The following ICA1 variants were observed in gnomAD, a reference collection of about 807,000 sequenced individuals.
The protein encoded by ICA1 is 69 kDa islet cell autoantigen.
A neutral mutation model predicts 71.0 loss-of-function variants in ICA1; 40 were observed. The observed-to-expected ratio is 0.56, with a 90% CI of 0.44 to 0.73. ICA1 has a LOEUF of 0.73. Ranked by LOEUF, ICA1 falls within the 30% of genes least tolerant of loss-of-function variation. ICA1 has a pLI of 0.00. For synonymous variants in ICA1, 207 were observed against 209.5 expected, an observed-to-expected ratio of 0.99 and a Z score of 0.10; for missense variants, 578 against 576.5, an observed-to-expected ratio of 1.00 and a Z score of -0.03.
chr7:8,121,007 C>A (rs1043297280), intron 13 of ICA1, among the ~76,000 whole-genome samples: 1 of 152,232 alleles, frequency 6.6e-6, no homozygotes, highest in East Asian at 1.9e-4. Flanking sequence ...AGTTCCCCCT[C>A]AGGCCTAGTT....
chr7:8,170,809 T>A (rs1319044783), intron 6 of ICA1, among the ~76,000 whole-genome samples: 1 of 152,122 alleles, frequency 6.6e-6, no homozygotes, highest in South Asian at 2.1e-4. Context: ...TTAATTTATA[T>A]GTCTTTTATT....
chr7:8,260,786 G>A (rs796685428), intron 1 of ICA1, among the ~76,000 whole-genome samples: 4 of 152,184 alleles, frequency 2.6e-5, no homozygotes, highest in Admixed American at 6.5e-5. Flanking sequence ...AGCATTTTTA[G>A]AGAGTGTGTG....
At chr7:8,133,068 G>C (rs2128093892) in intron 12 of ICA1, among the ~76,000 whole-genome samples, 1 of 152,310 alleles carries the variant, frequency 6.6e-6, no homozygotes, top group South Asian at 2.1e-4. Context: ...TCACAAATGG[G>C]TTAACCCATT....
chr7:8,186,002 T>G (rs936315350), intron 6 of ICA1, among the ~76,000 whole-genome samples: 1 of 152,178 alleles, frequency 6.6e-6, no homozygotes, highest in African/African-American at 2.4e-5. Context: ...AGCATATAAA[T>G]AATCATGATA....
At chr7:8,175,511 T>C (rs888069082) in intron 6 of ICA1, among the ~76,000 whole-genome samples, 2 of 148,042 alleles carry the variant, frequency 1.4e-5, no homozygotes, top group Non-Finnish European at 3.0e-5. Context: ...GAAAACTGTT[T>C]AAGATAAGGG....
At chr7:8,166,342 C>T (rs912843588) in intron 6 of ICA1, among the ~76,000 whole-genome samples, 3 of 152,212 alleles carry the variant, frequency 2.0e-5, no homozygotes, top group African/African-American at 7.2e-5. Flanking sequence ...TAATGCCACA[C>T]ACCTACAACC....
intron 1 of ICA1, among the ~76,000 whole-genome samples, chr7:8,260,452 C>G (rs56403717): frequency 5.7e-4 from 87 of 152,272 alleles, no homozygotes; most frequent in African/African-American, 2.0e-3. Flanking sequence ...CAATGATCCA[C>G]GGGTGGAGGA....
intron 6 of ICA1, among the ~76,000 whole-genome samples, chr7:8,214,037 C>T (rs567118407): frequency 6.6e-6 from 1 of 152,232 alleles, no homozygotes; most frequent in African/African-American, 2.4e-5. Context: ...AATAAATGGC[C>T]CTCATTAAAA....
chr7:8,229,191 T>C (rs1799512720), intron 3 of ICA1, among the ~76,000 whole-genome samples: 1 of 152,198 alleles, frequency 6.6e-6, no homozygotes, highest in Non-Finnish European at 1.5e-5. Flanking sequence ...GGATGTCCTG[T>C]CTATTTAGAA....
chr7:8,155,595 G>A (rs574546331), intron 8 of ICA1, among the ~76,000 whole-genome samples: 10 of 152,310 alleles, frequency 6.6e-5, no homozygotes, highest in African/African-American at 2.4e-4. Flanking sequence ...ACTGGTTGGT[G>A]TATGTAATGT....
intron 6 of ICA1, among the ~76,000 whole-genome samples, chr7:8,206,029 G>T (rs923453713): frequency 3.6e-4 from 54 of 150,708 alleles, no homozygotes; most frequent in Admixed American, 8.0e-4. Context: ...GTTCTTTTTT[G>T]GGAAAGGATT....
intron 3 of ICA1, among the ~76,000 whole-genome samples, chr7:8,230,539 A>C (rs900848169): frequency 1.3e-5 from 2 of 152,228 alleles, no homozygotes; most frequent in Admixed American, 6.5e-5. Context: ...AGTACAATGG[A>C]TGCTACATAC....
At chr7:8,161,128 C>T (rs2128205699) in intron 6 of ICA1, among the ~76,000 whole-genome samples, 1 of 152,244 alleles carries the variant, frequency 6.6e-6, no homozygotes. Context: ...TTACTGAGTG[C>T]CTGGTGTGTG....
intron 6 of ICA1, among the ~76,000 whole-genome samples, chr7:8,174,765 A>ACAC (rs1562836260): frequency 2.0e-5 from 1 of 51,038 alleles, no homozygotes; most frequent in South Asian, 1.2e-3. Flanking sequence ...CAAAAAAAAA[A>ACAC]AAAAAAAAAA....
chr7:8,181,774 G>A (rs780857426), intron 6 of ICA1, among the ~76,000 whole-genome samples: 2 of 152,190 alleles, frequency 1.3e-5, no homozygotes, highest in Non-Finnish European at 2.9e-5. Context: ...GAAATGTGAG[G>A]CATGAATAGT....
intron 1 of ICA1, among the ~76,000 whole-genome samples, chr7:8,254,118 C>G (rs1206684888): frequency 1.3e-5 from 2 of 152,130 alleles, no homozygotes; most frequent in African/African-American, 4.8e-5. Context: ...CCTCTTTTCA[C>G]TGAAGGAACT....
At chr7:8,158,919 A>G (rs1349821767) in intron 6 of ICA1, among the ~76,000 whole-genome samples, 1 of 152,186 alleles carries the variant, frequency 6.6e-6, no homozygotes, top group Non-Finnish European at 1.5e-5. Flanking sequence ...TTCTCAAGGC[A>G]TTCACAAACT....
At chr7:8,216,862 G>A (rs1217632477) in intron 6 of ICA1, among the ~76,000 whole-genome samples, 1 of 152,196 alleles carries the variant, frequency 6.6e-6, no homozygotes. Flanking sequence ...TAAAATCGGT[G>A]TCTTGGTTAT....
At chr7:8,242,814 G>A (rs1804468436) in intron 1 of ICA1, among the ~76,000 whole-genome samples, 1 of 152,156 alleles carries the variant, frequency 6.6e-6, no homozygotes, top group Non-Finnish European at 1.5e-5. Flanking sequence ...AGAAAATCTA[G>A]AAGAAATGGA....
Sources: allele counts gnomAD v4.1 joint callset (sites outside exome capture counted in the v4.1 genomes callset), GRCh38; gene constraint gnomAD v4.1.1; transcripts MANE v1.5; gene names NCBI Gene and HGNC (gene_info 2026-07-23, HGNC 2026-07-21).